RALGAPA2: variants seen among roughly 807,000 people sequenced by gnomAD.
RALGAPA2 encodes the protein ral GTPase-activating protein subunit alpha-2.
A neutral mutation model predicts 230.4 loss-of-function variants in RALGAPA2; 139 were observed. That is an observed-to-expected ratio of 0.60 (90% CI 0.53 to 0.69). The LOEUF is 0.69. Among genes scored for constraint, RALGAPA2 ranks in the 30% least tolerant of loss-of-function variants. RALGAPA2 has a pLI of 0.00. For missense variants in RALGAPA2, 2,163 were observed against 2,276.0 expected (o/e 0.95, Z 1.01); for synonymous variants, 847 against 837.8 (o/e 1.01, Z -0.19).
chr20:20,556,401 A>G (rs1164926263), intron 23 of RALGAPA2, among the ~76,000 whole-genome samples: 1 of 152,232 alleles, frequency 6.6e-6, no homozygotes, highest in East Asian at 1.9e-4. Context: ...ATTCTGGCAC[A>G]TTTATAATTC....
intron 39 of RALGAPA2, among the ~76,000 whole-genome samples, chr20:20,393,660 A>G (rs2059644182): frequency 6.6e-6 from 1 of 152,184 alleles, no homozygotes; most frequent in Non-Finnish European, 1.5e-5. Context: ...GTGTTCCTGG[A>G]ATCTCCACGT....
chr20:20,626,516 A>C (rs1432420421), intron 10 of RALGAPA2, among the ~76,000 whole-genome samples: 2 of 152,230 alleles, frequency 1.3e-5, no homozygotes, highest in Admixed American at 1.3e-4. Context: ...GATTGGGTTT[A>C]ATATTTAGAC....
At chr20:20,681,643 G>A (rs994097283) in intron 1 of RALGAPA2, among the ~76,000 whole-genome samples, 11 of 152,306 alleles carry the variant, frequency 7.2e-5, no homozygotes, top group Middle Eastern at 3.4e-3. Flanking sequence ...ACAGAGTACT[G>A]ACCAAGGAGT....
Position 20,521,048 on chromosome 20 carries a change from T to A in RALGAPA2, c.3953A>T (p.Tyr1318Phe), listed in dbSNP as rs545223360. ...GSSTYTQQSHYILTLADLSST... is the reference protein window; with the variant it reads ...GSSTYTQQSHFILTLADLSST... ...TGACAAGTCAGCCAGGGTCAGTATG[T>A]AGTGACTCTGTTGGGTGTACGTGCT... The change falls in exon 31 of 40, where the codon TAC becomes TTC. Residue 1318 changes from tyrosine (Y) to phenylalanine (F), a missense_variant. Physicochemically the swap from Tyr to Phe is conservative, Grantham distance 22. Coordinates refer to ENST00000202677, the MANE Select transcript of RALGAPA2 (RefSeq NM_020343.4). 1 of 1,613,884 alleles carries A rather than the reference T, an allele frequency of 6.2e-7. No homozygotes were observed. The highest frequency in any genetic ancestry group is 1.1e-5 in the South Asian group (1 of 91,082).
rs1349513321 is a variant in RALGAPA2 at position 20,653,526 on chromosome 20, T to C, written c.328+4A>G. The C allele has an allele frequency of 2.0e-6, 3 of 1,467,358 alleles. No homozygotes were observed. The highest frequency in any genetic ancestry group is 2.8e-6 in the Non-Finnish European group (3 of 1,079,050). 90.9% of individuals were successfully genotyped at this position (1,467,358 alleles called of 1,614,324 possible). A position where few individuals can be genotyped will look rare whatever the true frequency, so the allele number is the denominator to read the frequency against. ...ATTACTAAAAAATTTTTAATTGTTC[T>C]TACCTATACTCTGGTAATGCCATCG... On this transcript the variant is annotated splice_donor_region_variant and intron_variant, in intron 4 of 39. Transcript: ENST00000202677.
At chr20:20,620,737 AAC>A (rs2066293827) in intron 10 of RALGAPA2, 107 bp from the exon 11 acceptor site, 5 of 947,554 alleles carry the variant, frequency 5.3e-6, no homozygotes, top group Non-Finnish European at 6.0e-6. Context: ...CTTTCCTTGG[AAC>A]ACACAGCTTA....
chr20:20,571,893 T>G lies in RALGAPA2; in HGVS notation c.2955A>C (p.Pro985=). ...ACATTCTGAGTGGTGGGATCAAAAC[T>G]GGAGGAGATGGAGAAGACTGGTTAT... ...SLDNQSSPSP[P]VLIPPLRMFA... Residue 985 remains proline, a synonymous_variant, in exon 22 of 40, where the codon CCA becomes CCC. Transcript: ENST00000202677. 1.2e-6 allele frequency: 2 copies of G among 1,612,012 alleles called. No homozygotes were observed. The highest frequency in any genetic ancestry group is 1.7e-6 in the Non-Finnish European group (2 of 1,178,928).
chr20:20,497,320 A>G (rs972562335), intron 35 of RALGAPA2, among the ~76,000 whole-genome samples: 1 of 152,184 alleles, frequency 6.6e-6, no homozygotes, highest in African/African-American at 2.4e-5. Flanking sequence ...AACCTAATAT[A>G]GGTATGTTTT....
chr20:20,436,038 T>C (rs1201608091), intron 37 of RALGAPA2, among the ~76,000 whole-genome samples: 1 of 152,236 alleles, frequency 6.6e-6, no homozygotes, highest in Non-Finnish European at 1.5e-5. Flanking sequence ...ATTTTTAACC[T>C]GCAAAAGCAG....
At chr20:20,458,711 C>G (rs1317190492) in intron 37 of RALGAPA2, among the ~76,000 whole-genome samples, 4 of 116,476 alleles carry the variant, frequency 3.4e-5, no homozygotes, top group South Asian at 2.7e-4. Context: ...TACACACACA[C>G]ACCTATATAT....
chr20:20,637,567 A>C, intron 7 of RALGAPA2, 66 bp from the exon 8 acceptor site: 2 of 1,367,028 alleles, frequency 1.5e-6, no homozygotes, highest in Non-Finnish European at 2.0e-6. Flanking sequence ...TACTAAACTG[A>C]AGTGTTGTTA....
In RALGAPA2 at chr20:20,505,496, T is replaced by G; in HGVS notation, c.4967A>C (p.Glu1656Ala). The G allele has an allele frequency of 6.2e-7, 1 of 1,605,658 alleles. No individual in the cohort carries two copies. Among genetic ancestry groups the G allele is most frequent in the African/African-American group, 1.3e-5 (1 of 74,932 alleles). ...THKIAVFYIAEGQEDKCSILS... is the reference protein window; with the variant it reads ...THKIAVFYIAAGQEDKCSILS... ...GATTGAACACTTGTCTTCTTGACCT[T>G]CAGCAATGTAAAACACTGCGATTTT... The change falls in exon 34 of 40, where the codon GAA becomes GCA. Residue 1656 changes from glutamate (E) to alanine (A), a missense_variant. Coordinates refer to ENST00000202677, the MANE Select transcript of RALGAPA2 (RefSeq NM_020343.4).
chr20:20,508,351 GAAAT>G (rs1475096554), intron 33 of RALGAPA2, among the ~76,000 whole-genome samples: 4 of 152,178 alleles, frequency 2.6e-5, no homozygotes, highest in Admixed American at 1.3e-4. Flanking sequence ...ACACATACAT[GAAAT>G]TAACAATCTT....
intron 4 of RALGAPA2, among the ~76,000 whole-genome samples, chr20:20,648,876 A>G (rs1382365801): frequency 6.6e-6 from 1 of 152,052 alleles, no homozygotes; most frequent in African/African-American, 2.4e-5. Flanking sequence ...CCATGATCTC[A>G]CCCCCACTCC....
chr20:20,596,322 C>CA (rs763738553), intron 16 of RALGAPA2, among the ~76,000 whole-genome samples: 4 of 151,896 alleles, frequency 2.6e-5, no homozygotes, highest in African/African-American at 4.8e-5. Flanking sequence ...GAAACAAAAA[C>CA]AAAAAAAGTT....
chr20:20,634,864 C>T (rs2066804179), intron 9 of RALGAPA2, among the ~76,000 whole-genome samples: 1 of 152,206 alleles, frequency 6.6e-6, no homozygotes, highest in Admixed American at 6.5e-5. Flanking sequence ...AAAAGCACAA[C>T]AGGCCCCACA....
intron 23 of RALGAPA2, among the ~76,000 whole-genome samples, chr20:20,563,033 C>T (rs1176011204): frequency 6.6e-6 from 1 of 152,084 alleles, no homozygotes; most frequent in Admixed American, 6.5e-5. Flanking sequence ...GATGGTGTAA[C>T]GTTAATTATA....
At chr20:20,406,603 A>G (rs574104039) in intron 38 of RALGAPA2, among the ~76,000 whole-genome samples, 9 of 152,324 alleles carry the variant, frequency 5.9e-5, no homozygotes, top group African/African-American at 2.2e-4. Context: ...GTCATATAAG[A>G]TAGTTTGTAT....
intron 36 of RALGAPA2, among the ~76,000 whole-genome samples, chr20:20,476,552 A>G (rs189544140): frequency 3.9e-5 from 6 of 152,064 alleles, no homozygotes; most frequent in Admixed American, 3.9e-4. Flanking sequence ...ACAAAAATTG[A>G]GAGGGTTATA....
Sources: allele counts gnomAD v4.1 joint callset (sites outside exome capture counted in the v4.1 genomes callset), GRCh38; gene constraint gnomAD v4.1.1; transcripts MANE v1.5; gene names NCBI Gene and HGNC (gene_info 2026-07-23, HGNC 2026-07-21).